PARN: variants seen among roughly 807,000 people sequenced by gnomAD.
The protein encoded by PARN is poly(A)-specific ribonuclease, also known as poly(A)-specific ribonuclease PARN.
Under a neutral mutation model 102.8 loss-of-function variants are expected in PARN, and 71 were observed. The observed-to-expected ratio is 0.69, with a 90% CI of 0.57 to 0.84. The LOEUF is 0.84. Among genes scored for constraint, PARN ranks in the 40% least tolerant of loss-of-function variants. The pLI is 0.00. For synonymous variants in PARN, 261 were observed against 252.9 expected, an observed-to-expected ratio of 1.03 and a Z score of -0.30; for missense variants, 782 against 760.9, an observed-to-expected ratio of 1.03 and a Z score of -0.33.
intron 21 of PARN, among the ~76,000 whole-genome samples, chr16:14,484,980 A>G (rs896161328): frequency 7.2e-5 from 11 of 152,126 alleles, no homozygotes; most frequent in African/African-American, 2.7e-4. Flanking sequence ...GCACTTTGGG[A>G]GGCCAAGGCG....
At chr16:14,602,271 C>G (rs1236727738) in intron 11 of PARN, among the ~76,000 whole-genome samples, 1 of 152,088 alleles carries the variant, frequency 6.6e-6, no homozygotes, top group African/African-American at 2.4e-5. Flanking sequence ...AATAATCTCC[C>G]GGTACATTTT....
chr16:14,585,254 C>T (rs529367333), intron 14 of PARN, among the ~76,000 whole-genome samples: 5 of 152,194 alleles, frequency 3.3e-5, no homozygotes, highest in African/African-American at 9.6e-5. Context: ...CCAAAATCTA[C>T]AATCAGTACT....
intron 21 of PARN, among the ~76,000 whole-genome samples, chr16:14,522,066 C>T (rs1307838677): frequency 6.6e-6 from 1 of 152,218 alleles, no homozygotes; most frequent in African/African-American, 2.4e-5. Flanking sequence ...ACGATGTTCA[C>T]ACAACGAAAA....
chr16:14,460,959 C>T (rs1298572432), intron 22 of PARN, among the ~76,000 whole-genome samples: 1 of 152,216 alleles, frequency 6.6e-6, no homozygotes, highest in Non-Finnish European at 1.5e-5. Flanking sequence ...AACACCACCT[C>T]AACCCAGGTG....
At chr16:14,616,015 T>G (rs937760763) in intron 6 of PARN, among the ~76,000 whole-genome samples, 3 of 152,080 alleles carry the variant, frequency 2.0e-5, no homozygotes, top group African/African-American at 7.2e-5. Context: ...TTGAGAAAAG[T>G]TCAGTTATTT....
intron 13 of PARN, among the ~76,000 whole-genome samples, chr16:14,590,119 C>T (rs1329812590): frequency 6.7e-5 from 10 of 148,312 alleles, no homozygotes; most frequent in African/African-American, 1.7e-4. Context: ...GGCATGGTGG[C>T]GGGCGCCTGT....
chr16:14,561,295 C>T (rs939972077), intron 18 of PARN, among the ~76,000 whole-genome samples: 2 of 152,084 alleles, frequency 1.3e-5, no homozygotes, highest in African/African-American at 4.8e-5. Context: ...GCAAAATGTG[C>T]TTCCCCGCCA....
chr16:14,609,126 G>A lies in PARN; in HGVS notation c.555-3C>T, dbSNP rs1280911538. On this transcript the variant is annotated splice_polypyrimidine_tract_variant and splice_region_variant and intron_variant, in intron 7 of 23. Coordinates refer to ENST00000437198, the MANE Select transcript of PARN (RefSeq NM_002582.4). ...GTAATAAATCCTCTATTTTCTCTCT[G>A]AGGAATAAGAATAGACCATAACCAT... 1 of 1,440,704 alleles carries A rather than the reference G, an allele frequency of 6.9e-7. No individual in the cohort carries two copies. The highest frequency in any genetic ancestry group is 1.2e-5 in the South Asian group (1 of 82,636). The allele number at this position is 1,440,704 out of a possible 1,614,324, so 89.2% of individuals were successfully genotyped here.
rs779477840 is a variant in PARN at position 14,606,497 on chromosome 16, A to G, written c.689T>C (p.Leu230Ser). The part of the protein sequence containing the change: ...KYPKGIHVET[L>S]ETEKKERYIV... ...TCTTGGGGTTACCTTTTCAGTTTCTAAAGTCTCAACATGAATGCCTTTCGG... is the reference window on the plus strand; with the variant it reads ...TCTTGGGGTTACCTTTTCAGTTTCTGAAGTCTCAACATGAATGCCTTTCGG... Residue 230 changes from leucine (L) to serine (S), a missense_variant, in exon 10 of 24, where the codon TTA becomes TCA. Transcript: ENST00000437198. The G allele has an allele frequency of 3.2e-6, 5 of 1,576,494 alleles. No homozygotes were observed. The highest frequency in any genetic ancestry group is 1.1e-5 in the South Asian group (1 of 87,536).
intron 5 of PARN, among the ~76,000 whole-genome samples, chr16:14,625,619 T>C (rs1315439458): frequency 6.6e-6 from 1 of 152,254 alleles, no homozygotes; most frequent in Non-Finnish European, 1.5e-5. Context: ...TACTTGCTAA[T>C]TTAGGAAACT....
In PARN at chr16:14,617,684, G is replaced by A. The variant is rs774406226; in HGVS notation, c.328-34C>T. The A allele has an allele frequency of 3.1e-6, 4 of 1,295,568 alleles. No individual in the cohort carries two copies. In the South Asian group the frequency reaches 4.7e-5, roughly 15 times the overall value. The allele number at this position is 1,295,568 out of a possible 1,614,324, so 80.3% of individuals were successfully genotyped here. ...GAGTAAACAGAACACATGTTTTGGGGATGTTAGCGGCAGGAATATAAAGAG... is the reference window on the plus strand; with the variant it reads ...GAGTAAACAGAACACATGTTTTGGGAATGTTAGCGGCAGGAATATAAAGAG... On this transcript the variant is annotated intron_variant, in intron 5 of 23. Coordinates refer to ENST00000437198, the MANE Select transcript of PARN (RefSeq NM_002582.4).
Position 14,610,601 on chromosome 16 carries a change from A to G in PARN, c.554+43T>C, listed in dbSNP as rs1412907671. On this transcript the variant is annotated intron_variant, in intron 7 of 23. Coordinates refer to ENST00000437198, the MANE Select transcript of PARN (RefSeq NM_002582.4). ...GATATAGATGCCTGTCATCCCCAAT[A>G]TATAGCACACAATGCACGCTTAGTT... is the stretch of plus-strand genomic sequence containing the variant. 2.4e-6 allele frequency: 3 copies of G among 1,260,728 alleles called. No homozygotes were observed. The East Asian group carries it at 6.9e-5, about 29-fold the overall frequency. The allele number at this position is 1,260,728 out of a possible 1,614,324, so 78.1% of individuals were successfully genotyped here. A position where few individuals can be genotyped will look rare whatever the true frequency, so the allele number is the denominator to read the frequency against.
chr16:14,556,637 A>G (rs926174894), intron 18 of PARN, among the ~76,000 whole-genome samples: 2 of 152,222 alleles, frequency 1.3e-5, no homozygotes, highest in African/African-American at 2.4e-5. Flanking sequence ...TCAAAGAGTC[A>G]AGGGAAAGTC....
chr16:14,607,527 C>T (rs1971268995), intron 9 of PARN, among the ~76,000 whole-genome samples: 1 of 152,068 alleles, frequency 6.6e-6, no homozygotes, highest in Non-Finnish European at 1.5e-5. Context: ...TTAGATTGCA[C>T]AGGGCATATA....
chr16:14,569,978 G>A (rs539914381), intron 18 of PARN, among the ~76,000 whole-genome samples: 8 of 152,276 alleles, frequency 5.3e-5, no homozygotes, highest in African/African-American at 1.2e-4. Context: ...AAAAACCACT[G>A]AACTATACAC....
At chr16:14,602,271 C>T (rs1236727738) in intron 11 of PARN, among the ~76,000 whole-genome samples, 1 of 152,088 alleles carries the variant, frequency 6.6e-6, no homozygotes, top group African/African-American at 2.4e-5. Flanking sequence ...AATAATCTCC[C>T]GGTACATTTT....
chr16:14,607,037 T>A (rs1240639050), intron 9 of PARN, among the ~76,000 whole-genome samples: 1 of 152,072 alleles, frequency 6.6e-6, no homozygotes, highest in East Asian at 1.9e-4. Flanking sequence ...CGCCTGGGCC[T>A]CCCAAAGTAT....
intron 22 of PARN, among the ~76,000 whole-genome samples, chr16:14,452,802 C>A (rs1054681533): frequency 6.6e-6 from 1 of 152,176 alleles, no homozygotes; most frequent in South Asian, 2.1e-4. Context: ...GTATGTAAGA[C>A]CTGCCATCCT....
At chr16:14,511,210 G>C (rs143489835) in intron 21 of PARN, among the ~76,000 whole-genome samples, 1 of 152,294 alleles carries the variant, frequency 6.6e-6, no homozygotes, top group African/African-American at 2.4e-5. Flanking sequence ...GCACTAGCTT[G>C]TTTACCTCCA....
Sources: gnomAD v4.1 joint callset for allele counts (sites outside exome capture counted in the v4.1 genomes callset) on GRCh38, gnomAD v4.1.1 for gene constraint, MANE v1.5 for transcripts, NCBI Gene and HGNC (gene_info 2026-07-23, HGNC 2026-07-21) for gene names.